The following CYRIB variants were observed in gnomAD, a reference collection of about 807,000 sequenced individuals.
CYRIB encodes the protein CYFIP related Rac1 interactor B, also known as CYFIP-related Rac1 interactor B.
In CYRIB, 8 loss-of-function variants were observed where a neutral mutation model predicts 44.2. That is an observed-to-expected ratio of 0.18 (90% CI 0.11 to 0.33). CYRIB has a LOEUF of 0.33. Ranked by LOEUF, CYRIB falls within the 10% of genes least tolerant of loss-of-function variation. The pLI is 1.00. For synonymous variants in CYRIB, 131 were observed against 127.2 expected (o/e 1.03, Z -0.20); for missense variants, 185 against 382.8 (o/e 0.48, Z 4.31).
At chr8:130,004,913 C>T (rs1242946421) in intron 1 of CYRIB, among the ~76,000 whole-genome samples, 2 of 151,408 alleles carry the variant, frequency 1.3e-5, no homozygotes, top group East Asian at 1.9e-4. Context: ...ATTACAGGCA[C>T]GTGCCACCAC....
intron 2 of CYRIB, among the ~76,000 whole-genome samples, chr8:129,888,025 G>A (rs577579311): frequency 6.6e-6 from 1 of 152,296 alleles, no homozygotes; most frequent in South Asian, 2.1e-4. Flanking sequence ...TTTGCAATGT[G>A]AGAAGGTCAT....
intron 3 of CYRIB, among the ~76,000 whole-genome samples, chr8:129,878,182 T>C (rs935582999): frequency 6.6e-6 from 1 of 152,186 alleles, no homozygotes; most frequent in African/African-American, 2.4e-5. Context: ...GGACCTGATA[T>C]TGATTTACTA....
intron 2 of CYRIB, among the ~76,000 whole-genome samples, chr8:129,883,528 TCTC>T (rs1406483993): frequency 6.6e-6 from 1 of 152,112 alleles, no homozygotes; most frequent in Non-Finnish European, 1.5e-5. Context: ...CATTATCGGT[TCTC>T]CTATCCTTTA....
intron 2 of CYRIB, among the ~76,000 whole-genome samples, chr8:129,883,977 C>T (rs376640221): frequency 7.2e-5 from 11 of 152,254 alleles, no homozygotes; most frequent in African/African-American, 2.4e-4. Flanking sequence ...GAATGTGAGG[C>T]GTGGGCGGAT....
chr8:129,869,404 AT>A (rs145031203), intron 4 of CYRIB, among the ~76,000 whole-genome samples: 2 of 150,658 alleles, frequency 1.3e-5, no homozygotes, highest in Non-Finnish European at 3.0e-5. Flanking sequence ...AAAAAAAAAA[AT>A]CAAACAGGTA....
intron 8 of CYRIB, chr8:129,851,950 T>G (rs1175733110): frequency 1.0e-5 from 4 of 387,448 alleles, no homozygotes; most frequent in Non-Finnish European, 1.8e-5. Flanking sequence ...TGCCATCAGC[T>G]ATCACTGAGG....
At chr8:129,964,429 G>A (rs116197565) in intron 2 of CYRIB, among the ~76,000 whole-genome samples, 6,134 of 152,270 alleles carry the variant, frequency 0.04, 147 homozygotes, top group Middle Eastern at 0.068. Flanking sequence ...ACTAGTGTCA[G>A]GAGAGACGAA....
intron 3 of CYRIB, among the ~76,000 whole-genome samples, chr8:129,872,479 T>C (rs955268044): frequency 6.6e-6 from 1 of 152,132 alleles, no homozygotes; most frequent in Non-Finnish European, 1.5e-5. Flanking sequence ...ATACTGGTCA[T>C]TTGTTTCTCT....
chr8:129,950,735 A>G (rs2131311254), intron 2 of CYRIB, among the ~76,000 whole-genome samples: 1 of 152,258 alleles, frequency 6.6e-6, no homozygotes, highest in South Asian at 2.1e-4. Flanking sequence ...TTTCATTAAG[A>G]TGCTGTTGGT....
chr8:129,864,113 G>A (rs1474990965), intron 4 of CYRIB, among the ~76,000 whole-genome samples: 1 of 152,208 alleles, frequency 6.6e-6, no homozygotes, highest in African/African-American at 2.4e-5. Flanking sequence ...TACTGGTTAA[G>A]CAATTTACTT....
intron 3 of CYRIB, among the ~76,000 whole-genome samples, chr8:129,879,126 G>A (rs1443796877): frequency 1.3e-5 from 2 of 152,002 alleles, no homozygotes; most frequent in Non-Finnish European, 2.9e-5. Context: ...GTTTTCATTA[G>A]AGAATAGATC....
chr8:129,920,253 C>T (rs936636423), intron 1 of CYRIB, among the ~76,000 whole-genome samples: 3 of 151,992 alleles, frequency 2.0e-5, no homozygotes, highest in Non-Finnish European at 4.4e-5. Flanking sequence ...TAAAAACTAC[C>T]TTACATGTCT....
intron 1 of CYRIB, among the ~76,000 whole-genome samples, chr8:129,936,065 A>T (rs957207739): frequency 6.6e-6 from 1 of 152,248 alleles, no homozygotes; most frequent in Non-Finnish European, 1.5e-5. Context: ...GTACAGAACA[A>T]GTGAACATTA....
At position 130,008,092 on chromosome 8, in the gene CYRIB, C is replaced by A. The variant is rs562853752; in HGVS notation, c.-296+8278G>T. Reference sequence around the variant, plus strand: ...GGTATGGTTGCGGGCGCCTGTAGTCCCAGCTACTCGGGAGGCTGAGGCAGG... The same window carrying A: ...GGTATGGTTGCGGGCGCCTGTAGTCACAGCTACTCGGGAGGCTGAGGCAGG... On this transcript the variant is annotated intron_variant, in intron 1 of 14. Coordinates refer to the CYRIB transcript ENST00000401979. 4.6e-5 allele frequency among the ~76,000 whole-genome samples: 7 copies of A among 152,080 alleles called. No homozygotes were observed. In the South Asian group the frequency reaches 8.3e-4, roughly 18 times the overall value.
At chr8:129,985,885 C>T (rs1489037715) in intron 1 of CYRIB, among the ~76,000 whole-genome samples, 1 of 152,184 alleles carries the variant, frequency 6.6e-6, no homozygotes, top group Non-Finnish European at 1.5e-5. Flanking sequence ...CAGTCTACCC[C>T]AGCCCTACCC....
intron 4 of CYRIB, among the ~76,000 whole-genome samples, chr8:129,870,615 C>CTGAT (rs1348491035): frequency 6.6e-6 from 1 of 152,100 alleles, no homozygotes; most frequent in Non-Finnish European, 1.5e-5. Flanking sequence ...AAGAGTGACC[C>CTGAT]TGATGACCTC....
At chr8:129,929,112 A>G (rs2089761812) in intron 1 of CYRIB, among the ~76,000 whole-genome samples, 1 of 152,228 alleles carries the variant, frequency 6.6e-6, no homozygotes, top group Admixed American at 6.5e-5. Flanking sequence ...ATAGAAAGGA[A>G]CAAATTACTG....
intron 2 of CYRIB, among the ~76,000 whole-genome samples, chr8:129,900,328 G>C (rs919418457): frequency 2.0e-5 from 3 of 152,120 alleles, no homozygotes; most frequent in East Asian, 1.9e-4. Flanking sequence ...AAACAAAAAC[G>C]AAAGTCACGT....
At position 129,883,621 on chromosome 8, in the gene CYRIB, C is replaced by A. The variant is rs548690687; in HGVS notation, c.-10-4150G>T. Among the ~76,000 whole-genome samples the A allele has an allele frequency of 4.2e-3, 643 of 151,800 alleles. 4 individuals are homozygous for A. The highest frequency in any genetic ancestry group is 0.014 in the African/African-American group (563 of 41,410). ...GCCAAAAACCAAACAAACAAACAAA[C>A]AAAAAAAACCCCTGCTGTCCTCTCA... is the stretch of plus-strand genomic sequence containing the variant. On this transcript the variant is annotated intron_variant, in intron 2 of 11. Transcript: ENST00000519824.
Sources: allele counts gnomAD v4.1 joint callset (sites outside exome capture counted in the v4.1 genomes callset), GRCh38; gene constraint gnomAD v4.1.1; transcripts MANE v1.5; gene names NCBI Gene and HGNC (gene_info 2026-07-23, HGNC 2026-07-21).